DOCK7: variants seen among roughly 807,000 people sequenced by gnomAD.
The protein encoded by DOCK7 is dedicator of cytokinesis 7, also known as dedicator of cytokinesis protein 7.
A neutral mutation model predicts 271.0 loss-of-function variants in DOCK7; 138 were observed. The ratio of observed to expected loss-of-function variants is 0.51; its 90% CI spans 0.44 to 0.59. DOCK7 has a LOEUF of 0.59. Among genes scored for constraint, DOCK7 ranks in the 20% least tolerant of loss-of-function variants. The pLI, the probability that DOCK7 is intolerant of heterozygous loss-of-function variation, is 0.00. For synonymous variants in DOCK7, 823 were observed against 876.1 expected (o/e 0.94, Z 1.07); for missense variants, 2,066 against 2,592.4 (o/e 0.80, Z 4.41).
At chr1:62,510,773 T>A (rs2149333627) in intron 33 of DOCK7, 100 bp from the exon 34 acceptor site, 1 of 884,220 alleles carries the variant, frequency 1.1e-6, no homozygotes. Context: ...CAATAATTTG[T>A]ACAAGCCATT....
intron 18 of DOCK7, among the ~76,000 whole-genome samples, chr1:62,572,437 GA>G (rs1387230049): frequency 6.6e-6 from 1 of 152,094 alleles, no homozygotes; most frequent in Non-Finnish European, 1.5e-5. Flanking sequence ...TTTTACAGAT[GA>G]AAAAACTGAG....
intron 7 of DOCK7, among the ~76,000 whole-genome samples, chr1:62,643,113 A>G (rs181960487): frequency 6.6e-6 from 1 of 151,598 alleles, no homozygotes; most frequent in Non-Finnish European, 1.5e-5. Context: ...GGAAAAGCAT[A>G]GCTACTTTCC....
chr1:62,521,963 G>A (rs1010560559), intron 31 of DOCK7, among the ~76,000 whole-genome samples: 5 of 151,854 alleles, frequency 3.3e-5, no homozygotes, highest in Admixed American at 1.3e-4. Flanking sequence ...GTGATACAGC[G>A]AGATATCATC....
At chr1:62,520,437 G>A (rs1366868677) in intron 31 of DOCK7, among the ~76,000 whole-genome samples, 2 of 151,106 alleles carry the variant, frequency 1.3e-5, no homozygotes, top group East Asian at 2.0e-4. Context: ...AGTGGGCAAA[G>A]GATATGAACA....
chr1:62,646,370 G>C (rs1656664325), intron 7 of DOCK7, among the ~76,000 whole-genome samples: 1 of 152,140 alleles, frequency 6.6e-6, no homozygotes, highest in Admixed American at 6.5e-5. Flanking sequence ...ATTACTAACA[G>C]GTATTGTTAT....
At chr1:62,612,167 C>CA (rs1024921913) in intron 14 of DOCK7, among the ~76,000 whole-genome samples, 18 of 151,870 alleles carry the variant, frequency 1.2e-4, no homozygotes, top group African/African-American at 4.3e-4. Flanking sequence ...CACAAACACA[C>CA]AAAAAAGTCC....
chr1:62,552,601 G>T, intron 22 of DOCK7, 131 bp downstream of exon 22: 1 of 884,482 alleles, frequency 1.1e-6, no homozygotes, highest in Non-Finnish European at 1.6e-6. Flanking sequence ...TGATAGAACA[G>T]AAATGTACAA....
chr1:62,481,734 C>T (rs1478410566), intron 43 of DOCK7: 1 of 152,172 alleles, frequency 6.6e-6, no homozygotes, highest in Admixed American at 6.5e-5. Context: ...CGAAGAAATC[C>T]ATCTACCATG....
intron 43 of DOCK7, chr1:62,479,773 T>C: frequency 2.8e-6 from 1 of 356,334 alleles, no homozygotes; most frequent in Non-Finnish European, 5.9e-6. Context: ...AGCTTCTGTC[T>C]CCTGGGCTCA....
chr1:62,653,975 T>C lies in DOCK7; in HGVS notation c.320+9A>G. ...CTCTAAAGCCAAAAATAAGTCAATG[T>C]CTCCTTACCTTTCTTCAGGTACAGC... On this transcript the variant is annotated intron_variant, in intron 3 of 49. Coordinates refer to ENST00000635253, the MANE Select transcript of DOCK7 (RefSeq NM_001367561.1). 3 of 1,606,946 alleles carry C rather than the reference T, an allele frequency of 1.9e-6. No homozygotes were observed. Among genetic ancestry groups the C allele is most frequent in the Non-Finnish European group, 2.5e-6 (3 of 1,177,396 alleles).
intron 14 of DOCK7, chr1:62,604,610 A>C (rs1033243976): frequency 6.2e-7 from 1 of 1,609,790 alleles, no homozygotes; most frequent in African/African-American, 1.3e-5. Context: ...GTACCCATTA[A>C]ATTGCATATC....
chr1:62,569,111 C>T (rs71491205), intron 18 of DOCK7, among the ~76,000 whole-genome samples: 3 of 152,018 alleles, frequency 2.0e-5, no homozygotes, highest in Admixed American at 6.6e-5. Flanking sequence ...AGCCTACCAA[C>T]CAAAAAAGCC....
At chr1:62,645,035 A>C (rs1426517878) in intron 7 of DOCK7, among the ~76,000 whole-genome samples, 4 of 152,198 alleles carry the variant, frequency 2.6e-5, no homozygotes, top group Non-Finnish European at 5.9e-5. Context: ...TTATGATAAA[A>C]AAAACAGATA....
At chr1:62,475,522 AG>A in intron 46 of DOCK7, 171 bp from the exon 47 acceptor site, 1 of 1,127,598 alleles carries the variant, frequency 8.9e-7, no homozygotes, top group Admixed American at 2.7e-5. Flanking sequence ...AACCTTTTAA[AG>A]AAAAAGCTGG....
chr1:62,630,630 G>C (rs1484972513), intron 11 of DOCK7, among the ~76,000 whole-genome samples: 2 of 151,924 alleles, frequency 1.3e-5, no homozygotes, highest in African/African-American at 4.8e-5. Context: ...ACACAGACTT[G>C]GGGAGAACAT....
At chr1:62,683,763 C>T (rs867350839) in intron 1 of DOCK7, among the ~76,000 whole-genome samples, 9 of 150,254 alleles carry the variant, frequency 6.0e-5, no homozygotes, top group Middle Eastern at 7.1e-3. Flanking sequence ...GGCGAAAACC[C>T]GTCTCTACAA....
intron 41 of DOCK7, among the ~76,000 whole-genome samples, chr1:62,491,784 T>C (rs1646473569): frequency 6.6e-6 from 1 of 152,242 alleles, no homozygotes; most frequent in Admixed American, 6.5e-5. Flanking sequence ...CTTATATCAC[T>C]CAGAGACTTT....
chr1:62,509,651 G>A (rs1644423650), intron 34 of DOCK7, among the ~76,000 whole-genome samples: 1 of 152,114 alleles, frequency 6.6e-6, no homozygotes, highest in African/African-American at 2.4e-5. Context: ...CCAAGGTTAA[G>A]AATTTTAATA....
In DOCK7 at chr1:62,543,710, G is replaced by A. The variant is rs777850515; in HGVS notation, c.2895C>T (p.His965=). The A allele has an allele frequency of 3.7e-6, 6 of 1,601,754 alleles. No homozygotes were observed. Among genetic ancestry groups the A allele is most frequent in the Non-Finnish European group, 5.1e-6 (6 of 1,171,050 alleles). Residue 965 remains histidine, a synonymous_variant, in exon 24 of 50, where the codon CAC becomes CAT. Transcript: ENST00000635253. ...MDRSCNRMSS[H]TETSSFLQTL... ...TTTGTAAGAAACTTGACGTCTCTGT[G>A]TGCGAAGACATACGATTACAACTTC...
Sources: gnomAD v4.1 joint callset for allele counts (sites outside exome capture counted in the v4.1 genomes callset) on GRCh38, gnomAD v4.1.1 for gene constraint, MANE v1.5 for transcripts, NCBI Gene and HGNC (gene_info 2026-07-23, HGNC 2026-07-21) for gene names.